SV2C: variants seen among roughly 807,000 people sequenced by gnomAD.
SV2C encodes solute carrier family 22 member B3.
Under a neutral mutation model 79.7 loss-of-function variants are expected in SV2C, and 49 were observed. That is an observed-to-expected ratio of 0.61 (90% CI 0.49 to 0.78). SV2C has a LOEUF of 0.78. Among genes scored for constraint, SV2C ranks in the 30% least tolerant of loss-of-function variants. The pLI is 0.00. For missense variants in SV2C, 833 were observed against 912.9 expected, an observed-to-expected ratio of 0.91 and a Z score of 1.13; for synonymous variants, 334 against 333.2, an observed-to-expected ratio of 1.00 and a Z score of -0.03.
At chr5:76,187,967 A>T (rs1297914378) in intron 2 of SV2C, among the ~76,000 whole-genome samples, 1 of 152,142 alleles carries the variant, frequency 6.6e-6, no homozygotes, top group Non-Finnish European at 1.5e-5. Context: ...TAGTAATATT[A>T]ATAATTGTTG....
chr5:76,221,478 G>A (rs1469008762), intron 4 of SV2C, among the ~76,000 whole-genome samples: 1 of 152,172 alleles, frequency 6.6e-6, no homozygotes, highest in South Asian at 2.1e-4. Flanking sequence ...TAGGGGTGCC[G>A]CCTGCTGTTA....
intron 12 of SV2C, among the ~76,000 whole-genome samples, chr5:76,312,805 C>G (rs1036712859): frequency 6.6e-6 from 1 of 152,214 alleles, no homozygotes; most frequent in African/African-American, 2.4e-5. Flanking sequence ...ATTTGAGGAT[C>G]TGATTGTTCA....
At chr5:76,102,627 C>G (rs1006533368) in intron 1 of SV2C, among the ~76,000 whole-genome samples, 10 of 152,170 alleles carry the variant, frequency 6.6e-5, no homozygotes, top group Non-Finnish European at 8.8e-5. Flanking sequence ...ATTACTTGCT[C>G]AAGGTCACAG....
intron 4 of SV2C, among the ~76,000 whole-genome samples, chr5:76,268,619 C>T (rs1017008550): frequency 7.2e-5 from 11 of 152,152 alleles, no homozygotes; most frequent in East Asian, 1.9e-4. Flanking sequence ...AGAACGCAAA[C>T]GCTTTAGGAA....
At chr5:76,300,666 T>G in intron 10 of SV2C, 63 bp from the exon 11 acceptor site, 1 of 1,534,834 alleles carries the variant, frequency 6.5e-7, no homozygotes, top group Non-Finnish European at 9.0e-7. Flanking sequence ...CTCCATAGGC[T>G]TTCTTATACT....
rs911824572 is a variant in SV2C, at chr5:76,330,904, C to G, written c.*5357C>G. On this transcript the variant is annotated 3_prime_UTR_variant, in exon 13 of 13. Coordinates refer to ENST00000502798, the MANE Select transcript of SV2C (RefSeq NM_014979.4). Reference sequence around the variant, plus strand: ...CGGAGTCTCGCTCTATTACTTAGGCCGGAGTGCAGTGGTGCAATCTCGGCT... The same window carrying G: ...CGGAGTCTCGCTCTATTACTTAGGCGGGAGTGCAGTGGTGCAATCTCGGCT... 1 of 151,168 alleles carries G rather than the reference C, an allele frequency of 6.6e-6. No individual in the cohort carries two copies. The highest frequency in any genetic ancestry group is 2.4e-5 in the African/African-American group (1 of 40,996). The allele number at this position is 151,168 out of a possible 1,614,324, so 9.4% of individuals were successfully genotyped here. A position where few individuals can be genotyped will look rare whatever the true frequency, so the allele number is the denominator to read the frequency against.
chr5:76,182,444 T>C (rs995318445), intron 2 of SV2C, among the ~76,000 whole-genome samples: 3 of 152,244 alleles, frequency 2.0e-5, no homozygotes, highest in Non-Finnish European at 2.9e-5. Context: ...AAGCCTGCTC[T>C]CTTTTTCTTG....
intron 4 of SV2C, among the ~76,000 whole-genome samples, chr5:76,235,515 A>T (rs546757796): frequency 6.6e-6 from 1 of 152,260 alleles, no homozygotes; most frequent in Non-Finnish European, 1.5e-5. Flanking sequence ...AATAAAAATC[A>T]TATCAATGTA....
intron 4 of SV2C, among the ~76,000 whole-genome samples, chr5:76,221,849 A>G (rs1048957917): frequency 6.6e-6 from 1 of 152,162 alleles, no homozygotes; most frequent in Non-Finnish European, 1.5e-5. Context: ...AGAAGAGACA[A>G]AGGCACCCAT....
At chr5:75,970,190 G>T in the SV2C span, among the ~76,000 whole-genome samples, 4 of 151,832 alleles carry the variant, frequency 2.6e-5, no homozygotes, top group Admixed American at 6.6e-5. Flanking sequence ...AGAGGGAAAT[G>T]TATAGCACTA....
chr5:76,201,087 T>C (rs1744426855), intron 3 of SV2C, among the ~76,000 whole-genome samples: 1 of 152,238 alleles, frequency 6.6e-6, no homozygotes, highest in Admixed American at 6.5e-5. Flanking sequence ...TATATGACTT[T>C]AAATGTTTAT....
intron 12 of SV2C, among the ~76,000 whole-genome samples, chr5:76,302,364 C>T (rs1280431329): frequency 2.6e-5 from 4 of 152,162 alleles, no homozygotes; most frequent in Non-Finnish European, 5.9e-5. Flanking sequence ...GTGGGACATG[C>T]CTGTAATCCC....
the SV2C span, among the ~76,000 whole-genome samples, chr5:76,069,622 T>A: frequency 6.6e-6 from 1 of 152,200 alleles, no homozygotes; most frequent in African/African-American, 2.4e-5. Context: ...CACACAAGGA[T>A]GAAATGCAGA....
At chr5:75,855,115 T>C in the SV2C span, among the ~76,000 whole-genome samples, 1 of 152,304 alleles carries the variant, frequency 6.6e-6, no homozygotes, top group East Asian at 1.9e-4. Flanking sequence ...TTTTGCATTT[T>C]AAAATAATTT....
intron 1 of SV2C, among the ~76,000 whole-genome samples, chr5:76,118,663 G>A (rs554368289): frequency 2.6e-5 from 4 of 152,018 alleles, no homozygotes; most frequent in African/African-American, 9.7e-5. Flanking sequence ...CCTTTCTGAG[G>A]GGCAGTATGA....
chr5:76,032,789 T>A, the SV2C span, among the ~76,000 whole-genome samples: 2 of 152,224 alleles, frequency 1.3e-5, no homozygotes, highest in Non-Finnish European at 2.9e-5. Context: ...GGTCAAATGG[T>A]ATTTCTAGCT....
the SV2C span, among the ~76,000 whole-genome samples, chr5:75,930,066 C>A: frequency 6.1e-4 from 93 of 152,290 alleles, 1 homozygote; most frequent in African/African-American, 1.9e-3. Flanking sequence ...TAAGCCTTCT[C>A]TCCTTTCTGC....
At position 76,328,744 on chromosome 5, in the gene SV2C, T is replaced by G. The variant is rs1749083275; in HGVS notation, c.*3197T>G. ...AGACAGTAATGAAAATAGCTTCATC[T>G]TATCTGCCTTCTTATGCTAAACTCA... On this transcript the variant is annotated 3_prime_UTR_variant, in exon 13 of 13. Transcript: ENST00000502798. The G allele has an allele frequency of 6.6e-6, 1 of 152,138 alleles. No individual in the cohort carries two copies. The highest frequency in any genetic ancestry group is 6.5e-5 in the Admixed American group (1 of 15,274). The allele number at this position is 152,138 out of a possible 1,614,324, so 9.4% of individuals were successfully genotyped here. A position where few individuals can be genotyped will look rare whatever the true frequency, so the allele number is the denominator to read the frequency against.
chr5:76,343,882 G>T (rs999389355), intron 12 of SV2C, among the ~76,000 whole-genome samples: 1 of 152,158 alleles, frequency 6.6e-6, no homozygotes. Context: ...TTAACTAGGC[G>T]TAGTGGCACA....
Sources: allele counts gnomAD v4.1 joint callset (sites outside exome capture counted in the v4.1 genomes callset), GRCh38; gene constraint gnomAD v4.1.1; transcripts MANE v1.5; gene names NCBI Gene and HGNC (gene_info 2026-07-23, HGNC 2026-07-21).